SOS2: variants seen among roughly 807,000 people sequenced by gnomAD.
SOS2 encodes SOS Ras/Rho guanine nucleotide exchange factor 2.
A neutral mutation model predicts 148.2 loss-of-function variants in SOS2; 65 were observed. The observed-to-expected ratio is 0.44, with a 90% CI of 0.36 to 0.54. The LOEUF (loss-of-function observed/expected upper bound fraction) is 0.54. Ranked by LOEUF, SOS2 falls within the 20% of genes least tolerant of loss-of-function variation. SOS2 has a pLI of 0.00. For missense variants in SOS2, 1,341 were observed against 1,590.2 expected, an observed-to-expected ratio of 0.84 and a Z score of 2.67; for synonymous variants, 539 against 537.1, an observed-to-expected ratio of 1.00 and a Z score of -0.05.
At chr14:50,211,615 ATT>A (rs1022235627) in intron 1 of SOS2, among the ~76,000 whole-genome samples, 89 of 3,680 alleles carry the variant, frequency 0.024, no homozygotes, top group African/African-American at 0.21. Flanking sequence ...TTAATTAATT[ATT>A]ATTATTATTA....
At chr14:50,174,100 A>C (rs1004641339) in intron 8 of SOS2, among the ~76,000 whole-genome samples, 4 of 152,130 alleles carry the variant, frequency 2.6e-5, no homozygotes, top group African/African-American at 9.7e-5. Context: ...CCAATTAATC[A>C]CTAGCCTCCA....
At chr14:50,127,912 A>C (rs1883735014) in intron 21 of SOS2, among the ~76,000 whole-genome samples, 1 of 152,250 alleles carries the variant, frequency 6.6e-6, no homozygotes, top group Non-Finnish European at 1.5e-5. Flanking sequence ...AAATGAGTTC[A>C]AAATTCTGAG....
In SOS2 at chr14:50,161,452, GCATTCACGTTTTCAACA is replaced by G. The variant is rs1468827676; in HGVS notation, c.1196+13_1196+29del. The G allele has an allele frequency of 6.3e-7, 1 of 1,591,848 alleles. No homozygotes were observed. Among genetic ancestry groups the G allele is most frequent in the East Asian group, 2.2e-5 (1 of 44,520 alleles). On this transcript the variant is annotated intron_variant, in intron 9 of 22. Coordinates refer to ENST00000216373, the MANE Select transcript of SOS2 (RefSeq NM_006939.4). ...ATCAGAGACAGCGAAGTAAGCAGAG[GCATTCACGTTTTCAACA>G]CTTTGGAATTACCCAGGTCGACGTC...
intron 7 of SOS2, among the ~76,000 whole-genome samples, chr14:50,180,012 A>AT (rs1393624964): frequency 2.4e-4 from 36 of 149,038 alleles, no homozygotes; most frequent in South Asian, 1.5e-3. Context: ...TTATTTTTCT[A>AT]TTTATTTTTT....
At chr14:50,218,185 A>C (rs1347788242) in intron 1 of SOS2, among the ~76,000 whole-genome samples, 1 of 146,466 alleles carries the variant, frequency 6.8e-6, no homozygotes. Context: ...GATAGTATTA[A>C]GAGAATGGTA....
chr14:50,165,914 T>C (rs758521376), intron 8 of SOS2, among the ~76,000 whole-genome samples: 22 of 152,190 alleles, frequency 1.4e-4, no homozygotes, highest in Non-Finnish European at 2.6e-4. Flanking sequence ...ATTTGCCCAA[T>C]ATAAATAGGA....
At chr14:50,152,144 T>A (rs1884678853) in intron 13 of SOS2, among the ~76,000 whole-genome samples, 1 of 152,190 alleles carries the variant, frequency 6.6e-6, no homozygotes, top group Non-Finnish European at 1.5e-5. Context: ...AATATTCCCC[T>A]TAAAGAACAA....
chr14:50,169,987 G>A (rs1885308292), intron 8 of SOS2, among the ~76,000 whole-genome samples: 1 of 151,772 alleles, frequency 6.6e-6, no homozygotes, highest in African/African-American at 2.4e-5. Context: ...GTGTACTGAC[G>A]TAAACATGGC....
chr14:50,176,748 G>A (rs1423529784), intron 7 of SOS2, among the ~76,000 whole-genome samples: 6 of 152,244 alleles, frequency 3.9e-5, no homozygotes, highest in African/African-American at 1.2e-4. Flanking sequence ...GATGGCTCAC[G>A]CCTGTAATCC....
rs184281277 is a variant in SOS2 at position 50,224,154 on chromosome 14, G to A, written c.87+7043C>T. 3.8e-3 allele frequency among the ~76,000 whole-genome samples: 581 copies of A among 151,620 alleles called. 3 individuals are homozygous for A. The highest frequency in any genetic ancestry group is 5.7e-3 in the Non-Finnish European group (386 of 67,874). On this transcript the variant is annotated intron_variant, in intron 1 of 22. Transcript: ENST00000216373. ...AAAAAAAAAAAAATTAACCAGACGT[G>A]GTGGTGCGCGCCTGTAATCCCAGCT...
intron 1 of SOS2, among the ~76,000 whole-genome samples, chr14:50,207,325 C>A (rs1226860639): frequency 6.6e-6 from 1 of 151,272 alleles, no homozygotes; most frequent in Non-Finnish European, 1.5e-5. Flanking sequence ...CCAGCCTGGG[C>A]AACATGGCAA....
intron 8 of SOS2, among the ~76,000 whole-genome samples, chr14:50,164,381 A>G (rs78937447): frequency 0.011 from 1,669 of 152,192 alleles, 30 homozygotes; most frequent in African/African-American, 0.037. Context: ...TAGAGAATAC[A>G]GTGAGCTGAG....
chr14:50,201,690 T>C (rs1021602723), intron 2 of SOS2, among the ~76,000 whole-genome samples: 1 of 152,110 alleles, frequency 6.6e-6, no homozygotes, highest in African/African-American at 2.4e-5. Context: ...ATAAGAAAGA[T>C]TAAAGCGAAC....
At chr14:50,146,486 A>C (rs890498362) in intron 14 of SOS2, among the ~76,000 whole-genome samples, 1 of 152,046 alleles carries the variant, frequency 6.6e-6, no homozygotes, top group African/African-American at 2.4e-5. Flanking sequence ...TCTACTAAAA[A>C]TACAAAGAAA....
intron 18 of SOS2, among the ~76,000 whole-genome samples, chr14:50,134,874 G>A (rs1303847706): frequency 1.3e-5 from 2 of 151,792 alleles, no homozygotes; most frequent in African/African-American, 4.8e-5. Context: ...GGGAGTTTGA[G>A]ACCAGCCTGA....
chr14:50,193,194 C>T (rs1312011911), intron 4 of SOS2, among the ~76,000 whole-genome samples: 1 of 151,868 alleles, frequency 6.6e-6, no homozygotes, highest in Non-Finnish European at 1.5e-5. Context: ...TCTCACCTTT[C>T]TTTCTTTGTT....
At chr14:50,211,139 G>C (rs1886857779) in intron 1 of SOS2, among the ~76,000 whole-genome samples, 1 of 152,022 alleles carries the variant, frequency 6.6e-6, no homozygotes, top group African/African-American at 2.4e-5. Flanking sequence ...CTGAAATGTA[G>C]CTCCACTGAG....
At chr14:50,196,301 A>C in intron 4 of SOS2, among the ~76,000 whole-genome samples, 1 of 152,290 alleles carries the variant, frequency 6.6e-6, no homozygotes, top group East Asian at 1.9e-4. Context: ...TTTAAAAGAA[A>C]TTTTTGTGGG....
intron 1 of SOS2, among the ~76,000 whole-genome samples, chr14:50,212,611 T>C (rs1304564832): frequency 6.6e-6 from 1 of 152,218 alleles, no homozygotes; most frequent in African/African-American, 2.4e-5. Flanking sequence ...TATTTATCCT[T>C]TACACATTTT....
Sources: allele counts gnomAD v4.1 joint callset (sites outside exome capture counted in the v4.1 genomes callset), GRCh38; gene constraint gnomAD v4.1.1; transcripts MANE v1.5; gene names NCBI Gene and HGNC (gene_info 2026-07-23, HGNC 2026-07-21).